BPY2: variants seen among roughly 807,000 people sequenced by gnomAD.
BPY2 encodes testis-specific basic protein Y 2.
At chrY:22,998,885 CT>C (rs2090073551) in intron 7 of BPY2, among the ~76,000 whole-genome samples, 1 of 24,335 alleles carries the variant, frequency 4.1e-5, no homozygotes, top group Non-Finnish European at 1.1e-4. Context: ...GGTGATGGGA[CT>C]TTCTTGTGTT....
At chrY:22,998,855 TA>T (rs2090073540) in intron 7 of BPY2, among the ~76,000 whole-genome samples, 3 of 19,197 alleles carry the variant, frequency 1.6e-4, no homozygotes, top group African/African-American at 5.9e-4. Flanking sequence ...AGTGATGTCT[TA>T]GTGGCCCAGA....
Sources: allele counts gnomAD v4.1 joint callset (sites outside exome capture counted in the v4.1 genomes callset), GRCh38; gene constraint gnomAD v4.1.1; transcripts MANE v1.5; gene names NCBI Gene and HGNC (gene_info 2026-07-23, HGNC 2026-07-21).